Variants in SEL1L3 observed in about 807,000 individuals in gnomAD.
The protein encoded by SEL1L3 is SEL1L family member 3.
In SEL1L3, 76 loss-of-function variants were observed where a neutral mutation model predicts 142.8. The ratio of observed to expected loss-of-function variants is 0.53; its 90% CI spans 0.44 to 0.64. The LOEUF (loss-of-function observed/expected upper bound fraction) is 0.64. Ranked by LOEUF, SEL1L3 falls within the 30% of genes least tolerant of loss-of-function variation. The pLI is 0.00. For synonymous variants in SEL1L3, 504 were observed against 519.6 expected, an observed-to-expected ratio of 0.97 and a Z score of 0.41; for missense variants, 1,262 against 1,381.7, an observed-to-expected ratio of 0.91 and a Z score of 1.37.
At chr4:25,751,623 A>G (rs1717594758) in intron 23 of SEL1L3, among the ~76,000 whole-genome samples, 1 of 151,154 alleles carries the variant, frequency 6.6e-6, no homozygotes, top group Non-Finnish European at 1.5e-5. Context: ...CTTGAAGGAA[A>G]GAATACATAT....
intron 6 of SEL1L3, among the ~76,000 whole-genome samples, chr4:25,822,567 TAAC>T (rs1714831618): frequency 6.6e-6 from 1 of 152,278 alleles, no homozygotes; most frequent in African/African-American, 2.4e-5. Flanking sequence ...TAAAAGAAAA[TAAC>T]AAACCTTGTT....
At chr4:25,831,839 G>A (rs545064954) in intron 5 of SEL1L3, among the ~76,000 whole-genome samples, 3 of 152,010 alleles carry the variant, frequency 2.0e-5, no homozygotes, top group African/African-American at 4.8e-5. Context: ...AACTAAGCTC[G>A]CTTTGTGACA....
chr4:25,822,627 T>C (rs1714834704), intron 6 of SEL1L3, among the ~76,000 whole-genome samples: 1 of 152,130 alleles, frequency 6.6e-6, no homozygotes. Context: ...GCGTAGACTA[T>C]TAGATAAGGA....
At chr4:25,857,027 GCCCC>G (rs1327881421) in intron 1 of SEL1L3, among the ~76,000 whole-genome samples, 13 of 152,132 alleles carry the variant, frequency 8.5e-5, no homozygotes, top group Non-Finnish European at 1.6e-4. Flanking sequence ...TGACCTTTCT[GCCCC>G]ATTCTTCTAA....
At position 25,777,827 on chromosome 4, in the gene SEL1L3, C is replaced by T. The variant is rs73103929; in HGVS notation, c.2585+1249G>A. The T allele has an allele frequency of 1.0e-2, 4,541 of 456,088 alleles. 148 individuals carry two copies. The highest frequency in any genetic ancestry group is 0.077 in the African/African-American group (3,846 of 50,126). The allele number at this position is 456,088 out of a possible 1,614,324, so 28.3% of individuals were successfully genotyped here. A position where few individuals can be genotyped will look rare whatever the true frequency, so the allele number is the denominator to read the frequency against. ...TTGAACCCAAATGTGTTATGAAGAACAATCTTTTGGAGAGCCAGGGTATCA... is the reference window on the plus strand; with the variant it reads ...TTGAACCCAAATGTGTTATGAAGAATAATCTTTTGGAGAGCCAGGGTATCA... On this transcript the variant is annotated intron_variant, in intron 16 of 23. Coordinates refer to ENST00000399878, the MANE Select transcript of SEL1L3 (RefSeq NM_015187.5).
intron 9 of SEL1L3, among the ~76,000 whole-genome samples, chr4:25,808,790 C>T (rs1187648426): frequency 6.6e-6 from 1 of 152,256 alleles, no homozygotes; most frequent in Admixed American, 6.5e-5. Flanking sequence ...CCTATTTGGG[C>T]CATGTGCAGT....
rs144446582 is a variant in SEL1L3 at position 25,844,027 on chromosome 4, C to T, written c.733+3267G>A. On this transcript the variant is annotated intron_variant, in intron 2 of 23. Transcript: ENST00000399878. The stretch of plus-strand genomic sequence containing the variant: ...GTCAGGGAGTACTTCAGTTCAGAGG[C>T]AGGGCCATCGTAGGACACCAGGCAC... Among the ~76,000 whole-genome samples, 456 of 152,356 alleles carry T rather than the reference C, an allele frequency of 3.0e-3. 2 individuals are homozygous for T. The highest frequency in any genetic ancestry group is 9.2e-3 in the African/African-American group (384 of 41,582).
intron 11 of SEL1L3, among the ~76,000 whole-genome samples, chr4:25,798,330 G>T (rs1013007858): frequency 1.3e-5 from 2 of 152,164 alleles, no homozygotes; most frequent in Non-Finnish European, 2.9e-5. Context: ...CTGAACAGCA[G>T]GCTTATTTTA....
chr4:25,792,935 T>C (rs1238420238), intron 11 of SEL1L3, among the ~76,000 whole-genome samples: 1 of 152,228 alleles, frequency 6.6e-6, no homozygotes, highest in Non-Finnish European at 1.5e-5. Flanking sequence ...GAAGACACAG[T>C]TCCTACCCTG....
intron 13 of SEL1L3, among the ~76,000 whole-genome samples, chr4:25,785,226 C>A (rs894215536): frequency 6.6e-5 from 10 of 152,154 alleles, no homozygotes; most frequent in African/African-American, 1.7e-4. Context: ...ACGCTTAGCT[C>A]TATAGTAAAT....
At chr4:25,765,520 C>A in intron 19 of SEL1L3, 85 bp from the exon 20 acceptor site, 2 of 813,704 alleles carry the variant, frequency 2.5e-6, no homozygotes, top group Non-Finnish European at 2.1e-6. Flanking sequence ...CACATGAATG[C>A]AAGTTTTTCC....
At chr4:25,854,899 A>C (rs1717153745) in intron 1 of SEL1L3, among the ~76,000 whole-genome samples, 1 of 152,240 alleles carries the variant, frequency 6.6e-6, no homozygotes, top group Non-Finnish European at 1.5e-5. Flanking sequence ...CAGCTGGAGT[A>C]CAAGAGAAGA....
In SEL1L3 at chr4:25,788,364, G is replaced by T. The variant is rs375084754; in HGVS notation, c.2077C>A (p.Gln693Lys). 4.3e-5 allele frequency: 70 copies of T among 1,613,460 alleles called. No homozygotes were observed. The highest frequency in any genetic ancestry group is 5.8e-5 in the Non-Finnish European group (69 of 1,179,764). ...CAGAACAGCATCTGGGCCAATCGTT[G>T]CTTAAAGATAATAGCAATTTAGAAC... ...EATRGNAAAQQRLAQMLFWGQ... is the reference protein window; with the variant it reads ...EATRGNAAAQKRLAQMLFWGQ... Residue 693 changes from glutamine (Q) to lysine (K), a missense_variant and splice_region_variant, in exon 13 of 24, where the codon CAA becomes AAA. This residue lies in a region of SEL1L3 where 435 missense variants were observed against 559.2 expected (regional missense o/e 0.78). Coordinates refer to ENST00000399878, the MANE Select transcript of SEL1L3 (RefSeq NM_015187.5). This position sits in a 1 kb window ranked among gnomAD's most constrained non-coding sequence, Gnocchi z 5.3.
Position 25,810,920 on chromosome 4 carries a change from C to T in SEL1L3, c.1565-6168G>A, listed in dbSNP as rs550038219. Among the ~76,000 whole-genome samples the T allele has an allele frequency of 1.7e-4, 26 of 152,318 alleles. No individual in the cohort carries two copies. The South Asian group carries it at 3.1e-3, about 18-fold the overall frequency. ...TCAAAGGCGTGCCCGCTCTGGGAGG[C>T]GAGGAACGGGTCCTGTTATACATCA... On this transcript the variant is annotated intron_variant, in intron 9 of 23. Coordinates refer to ENST00000399878, the MANE Select transcript of SEL1L3 (RefSeq NM_015187.5).
intron 15 of SEL1L3, among the ~76,000 whole-genome samples, chr4:25,780,566 C>T (rs971329339): frequency 6.6e-6 from 1 of 151,882 alleles, no homozygotes; most frequent in Non-Finnish European, 1.5e-5. Flanking sequence ...GCACTGCCTG[C>T]TCCTTCCTTC....
chr4:25,751,093 G>A (rs1577549225), intron 23 of SEL1L3, among the ~76,000 whole-genome samples: 1 of 152,136 alleles, frequency 6.6e-6, no homozygotes, highest in African/African-American at 2.4e-5. Flanking sequence ...GGCAGCTGAC[G>A]GTCAGGCTCT....
intron 9 of SEL1L3, among the ~76,000 whole-genome samples, chr4:25,813,089 C>T (rs985807675): frequency 1.3e-5 from 2 of 152,236 alleles, no homozygotes; most frequent in Non-Finnish European, 1.5e-5. Context: ...CCTTGTGCAC[C>T]GTTGGAGGGA....
the SEL1L3 span, among the ~76,000 whole-genome samples, chr4:25,721,617 A>C: frequency 6.6e-6 from 1 of 152,186 alleles, no homozygotes; most frequent in Non-Finnish European, 1.5e-5. Flanking sequence ...ATACCAAAGA[A>C]CTAAGACTTG....
At chr4:25,862,653 C>A in intron 1 of SEL1L3, 22 bp downstream of exon 1, 2 of 1,239,888 alleles carry the variant, frequency 1.6e-6, no homozygotes, top group Non-Finnish European at 2.0e-6. Context: ...AGGGGAAGAC[C>A]CGGGCAGGGT....
Sources: allele counts gnomAD v4.1 joint callset (sites outside exome capture counted in the v4.1 genomes callset), GRCh38; gene constraint gnomAD v4.1.1; regional missense constraint gnomAD v4.1.1; non-coding constraint Gnocchi (gnomAD v3.1); transcripts MANE v1.5; gene names NCBI Gene and HGNC (gene_info 2026-07-23, HGNC 2026-07-21).